The following DGKZ variants were observed in gnomAD, a reference collection of about 807,000 sequenced individuals.
DGKZ encodes diacylglycerol kinase zeta, also known as DAG kinase zeta.
A neutral mutation model predicts 142.5 loss-of-function variants in DGKZ; 45 were observed. The ratio of observed to expected loss-of-function variants is 0.32; its 90% CI spans 0.25 to 0.40. The LOEUF (loss-of-function observed/expected upper bound fraction) is 0.40, where lower values mean the gene tolerates loss of function less well. Ranked by LOEUF, DGKZ falls within the 10% of genes least tolerant of loss-of-function variation. The pLI, the probability that DGKZ is intolerant of heterozygous loss-of-function variation, is 1.00. For synonymous variants in DGKZ, 442 were observed against 527.0 expected, an observed-to-expected ratio of 0.84 and a Z score of 2.21; for missense variants, 755 against 1,306.5, an observed-to-expected ratio of 0.58 and a Z score of 6.51.
chr11:46,374,979 C>T (rs1431049189), exon 19 of DGKZ: 5 of 1,612,592 alleles, frequency 3.1e-6, no homozygotes, highest in Admixed American at 1.7e-5. Context: ...GGGAGCACCA[C>T]GACTTTGAGC....
intron 14 of DGKZ, among the ~76,000 whole-genome samples, chr11:46,373,637 A>G (rs975160963): frequency 1.3e-5 from 2 of 152,016 alleles, no homozygotes; most frequent in African/African-American, 4.8e-5. Flanking sequence ...AGCTGGGACT[A>G]CAGGCACCCG....
chr11:46,347,318 G>T, upstream of DGKZ: 2 of 985,038 alleles, frequency 2.0e-6, no homozygotes, highest in Non-Finnish European at 2.4e-6. This position sits in a 1 kb window ranked among gnomAD's most constrained non-coding sequence, Gnocchi z 6.4. Flanking sequence ...CCCGCCCCTC[G>T]GACCGCCCCA....
chr11:46,344,454 T>A (rs893105466), upstream of DGKZ, among the ~76,000 whole-genome samples: 2 of 149,986 alleles, frequency 1.3e-5, no homozygotes, highest in African/African-American at 4.9e-5. Context: ...GAGCTCAATT[T>A]TTTTTTTTTT....
chr11:46,369,318 C>T (rs1293614283), intron 4 of DGKZ, 176 bp from the exon 5 acceptor site: 5 of 708,074 alleles, frequency 7.1e-6, no homozygotes, highest in Non-Finnish European at 1.0e-5. Flanking sequence ...GAGGAGGAGG[C>T]AGAGAGGCAG....
chr11:46,371,394 GC>G lies in DGKZ; in HGVS notation c.642+15del. On this transcript the variant is annotated intron_variant, in intron 7 of 30. Coordinates refer to ENST00000527911, the Ensembl canonical transcript of DGKZ. The stretch of plus-strand genomic sequence containing the variant: ...GTGGTGCAAGCAGGCAGTGAGTGGT[GC>G]CCCCGCCCCCAGGGCCAGGCCCTGC... 1 of 1,613,384 alleles carries G rather than the reference GC, an allele frequency of 6.2e-7. No homozygotes were observed. The highest frequency in any genetic ancestry group is 1.7e-4 in the Middle Eastern group (1 of 6,058).
At chr11:46,359,752 T>G (rs1290032385) in intron 1 of DGKZ, among the ~76,000 whole-genome samples, 1 of 150,704 alleles carries the variant, frequency 6.6e-6, no homozygotes, top group East Asian at 1.9e-4. Context: ...TACAGGCACC[T>G]GCCATCATGC....
intron 1 of DGKZ, chr11:46,365,657 TC>T (rs758037123): frequency 5.1e-6 from 5 of 985,150 alleles, no homozygotes; most frequent in Non-Finnish European, 6.0e-6. Flanking sequence ...ACTCTGGGGG[TC>T]CTGTCAGGAT....
At chr11:46,369,176 AAAAAAC>A (rs1235976324) in intron 4 of DGKZ, 1 of 401,012 alleles carries the variant, frequency 2.5e-6, no homozygotes, top group East Asian at 5.1e-5. Context: ...ACTCTGTCTC[AAAAAAC>A]AAAAACAAAA....
intron 1 of DGKZ, among the ~76,000 whole-genome samples, chr11:46,358,790 A>G (rs1487720348): frequency 2.0e-5 from 3 of 152,230 alleles, no homozygotes; most frequent in Non-Finnish European, 2.9e-5. Context: ...CGGCTTCCTC[A>G]GGCTTAAAAT....
At chr11:46,345,221 G>A, upstream of DGKZ, 1 of 1,333,360 alleles carries the variant, frequency 7.5e-7, no homozygotes, top group South Asian at 2.0e-5. The surrounding 1 kb of genome is among the most constrained non-coding windows in gnomAD (Gnocchi z 4.1). Context: ...GCTGGTCTGG[G>A]CTTGTCCCCA....
chr11:46,362,002 T>G (rs1942712909), intron 1 of DGKZ: 1 of 152,364 alleles, frequency 6.6e-6, no homozygotes. Context: ...ATCCCTGTGG[T>G]GAGTCTCAGC....
In DGKZ at chr11:46,359,147, A is replaced by T. The variant is rs147935565; in HGVS notation, c.162-8144A>T. 2.5e-3 allele frequency among the ~76,000 whole-genome samples: 373 copies of T among 149,204 alleles called. 2 individuals are homozygous for T. Among genetic ancestry groups the T allele is most frequent in the African/African-American group, 8.4e-3 (340 of 40,346 alleles). On this transcript the variant is annotated intron_variant, in intron 1 of 30. Transcript: ENST00000527911. ...AGAGCAAGACTGTATCTCAAAAAAAAAATAATAAAATAAGGCCAGGTGCTG... is the reference window on the plus strand; with the variant it reads ...AGAGCAAGACTGTATCTCAAAAAAATAATAATAAAATAAGGCCAGGTGCTG...
intron 1 of DGKZ, among the ~76,000 whole-genome samples, chr11:46,334,621 T>C (rs1422257577): frequency 6.6e-6 from 1 of 152,152 alleles, no homozygotes; most frequent in Non-Finnish European, 1.5e-5. Flanking sequence ...AGAAGCAAGA[T>C]GCTCAGAGCA....
Position 46,367,106 on chromosome 11 carries a change from C to T in DGKZ, c.162-185C>T. The T allele has an allele frequency of 7.4e-7, 1 of 1,344,920 alleles. No individual in the cohort carries two copies. The highest frequency in any genetic ancestry group is 1.0e-6 in the Non-Finnish European group (1 of 981,052). The allele number at this position is 1,344,920 out of a possible 1,614,324, so 83.3% of individuals were successfully genotyped here. ...ACTTGGGAACACTCTGGGCAGTACC[C>T]TGAAGCCAGCGTACCCCAAAAGGCC... On this transcript the variant is annotated intron_variant, in intron 1 of 30. Transcript: ENST00000527911. This position sits in a 1 kb window ranked among gnomAD's most constrained non-coding sequence, Gnocchi z 4.1.
chr11:46,347,268 G>A (rs1040673590), upstream of DGKZ: 85 of 975,110 alleles, frequency 8.7e-5, no homozygotes, highest in Non-Finnish European at 1.0e-4. The surrounding 1 kb of genome is among the most constrained non-coding windows in gnomAD (Gnocchi z 6.4). Flanking sequence ...GCCGGGCCGG[G>A]CTGGGGGCAG....
intron 1 of DGKZ, chr11:46,366,247 A>G: frequency 6.4e-7 from 1 of 1,565,676 alleles, no homozygotes; most frequent in Non-Finnish European, 8.6e-7. Context: ...CCAACAGCCA[A>G]CCGCCTGCCA....
intron 1 of DGKZ, among the ~76,000 whole-genome samples, chr11:46,362,379 C>G (rs1472131805): frequency 6.6e-6 from 1 of 152,184 alleles, no homozygotes; most frequent in Admixed American, 6.5e-5. Flanking sequence ...GTGGCCGGCT[C>G]TGTTCCTCAT....
At position 46,372,204 on chromosome 11, in the gene DGKZ, G is replaced by A. The variant is rs141216132; in HGVS notation, c.927+34G>A. On this transcript the variant is annotated intron_variant, in intron 10 of 30. Coordinates refer to ENST00000527911, the Ensembl canonical transcript of DGKZ. This position sits in a 1 kb window ranked among gnomAD's most constrained non-coding sequence, Gnocchi z 5.9. The stretch of plus-strand genomic sequence containing the variant: ...GGCCTTGCCTCTCAGCTAAGGGCTC[G>A]GGCGGGGGTTGGGGTCCAGCCCGTC... 22 of 1,551,104 alleles carry A rather than the reference G, an allele frequency of 1.4e-5. No individual in the cohort carries two copies. Among genetic ancestry groups the A allele is most frequent in the East Asian group, 2.4e-5 (1 of 42,388 alleles).
Position 46,367,761 on chromosome 11 carries a change from G to A in DGKZ, c.366+14G>A. The A allele has an allele frequency of 6.2e-7, 1 of 1,612,794 alleles. No individual in the cohort carries two copies. Among genetic ancestry groups the A allele is most frequent in the Non-Finnish European group, 8.5e-7 (1 of 1,179,728 alleles). On this transcript the variant is annotated intron_variant, in intron 3 of 30. Transcript: ENST00000527911. This position sits in a 1 kb window ranked among gnomAD's most constrained non-coding sequence, Gnocchi z 4.1. The stretch of plus-strand genomic sequence containing the variant: ...GCCAGGATGCTGGTGAGTGCTCGTA[G>A]GGGCACGCCGCCCCCTGCTGGTGGA...
Sources: allele counts gnomAD v4.1 joint callset (sites outside exome capture counted in the v4.1 genomes callset), GRCh38; gene constraint gnomAD v4.1.1; non-coding constraint Gnocchi (gnomAD v3.1); transcripts MANE v1.5; gene names NCBI Gene and HGNC (gene_info 2026-07-23, HGNC 2026-07-21).